WNT7B: variants seen among roughly 807,000 people sequenced by gnomAD.
The protein encoded by WNT7B is Wnt family member 7B, also known as protein Wnt-7b.
In WNT7B, 19 loss-of-function variants were observed where a neutral mutation model predicts 38.2. The observed-to-expected ratio is 0.50, with a 90% confidence interval of 0.35 to 0.73. The LOEUF (loss-of-function observed/expected upper bound fraction) is 0.73. WNT7B is among the 30% of genes least tolerant of loss of function. The probability of loss-of-function intolerance (pLI) is 0.01; values close to 1 mark genes in which losing one functional copy is unlikely to be tolerated. For missense variants in WNT7B, 423 were observed against 507.9 expected (o/e 0.83, Z 1.61); for synonymous variants, 243 against 209.3 (o/e 1.16, Z -1.39).
chr22:45,931,449 G>A lies in WNT7B; in HGVS notation c.299-80C>T, dbSNP rs1363673118. The A allele has an allele frequency of 1.5e-4, 222 of 1,435,508 alleles. 1 individual carries two copies. Among genetic ancestry groups the A allele is most frequent in the Middle Eastern group, 2.6e-4 (1 of 3,904 alleles). 88.9% of individuals were successfully genotyped at this position (1,435,508 alleles called of 1,614,324 possible). A position where few individuals can be genotyped will look rare whatever the true frequency, so the allele number is the denominator to read the frequency against. On this transcript the variant is annotated intron_variant, in intron 2 of 3. Transcript: ENST00000339464. ...CTCAGGGGACAGGGTGCCGGGCCTC[G>A]ATCCACCTGCTGTTGGCTGGTTGTG...
At chr22:45,964,448 G>A (rs1192472387) in intron 1 of WNT7B, among the ~76,000 whole-genome samples, 3 of 152,176 alleles carry the variant, frequency 2.0e-5, no homozygotes, top group Non-Finnish European at 4.4e-5. Context: ...GGAGTCATGG[G>A]GCACACAGGA....
chr22:45,946,676 AGGCGAGCAGAGCAACT>A (rs141849185), intron 2 of WNT7B, among the ~76,000 whole-genome samples: 4,884 of 152,236 alleles, frequency 0.032, 263 homozygotes, highest in African/African-American at 0.11. Context: ...TGACCCTCTG[AGGCGAGCAGAGCAACT>A]GGAACCCAGG....
At chr22:45,928,665 G>A (rs909637720) in intron 3 of WNT7B, among the ~76,000 whole-genome samples, 1 of 115,810 alleles carries the variant, frequency 8.6e-6, no homozygotes, top group African/African-American at 3.3e-5. Context: ...TCCATCACTT[G>A]TGAGTCACCA....
At chr22:45,941,936 A>C (rs1233214292) in intron 2 of WNT7B, among the ~76,000 whole-genome samples, 1 of 147,754 alleles carries the variant, frequency 6.8e-6, no homozygotes, top group Non-Finnish European at 1.5e-5. Context: ...GCTGGGGCTG[A>C]GGTAGGGTAG....
chr22:45,947,265 C>T (rs1460719609), intron 2 of WNT7B, among the ~76,000 whole-genome samples: 1 of 152,224 alleles, frequency 6.6e-6, no homozygotes, highest in Non-Finnish European at 1.5e-5. Flanking sequence ...TCACTTTATC[C>T]TGAGGCCATA....
chr22:45,953,909 T>C (rs528900410), intron 1 of WNT7B, among the ~76,000 whole-genome samples: 1 of 152,276 alleles, frequency 6.6e-6, no homozygotes, highest in Admixed American at 6.5e-5. Flanking sequence ...CCCCTTGGCA[T>C]AGATTCAAAT....
At chr22:45,935,624 A>T (rs1488338652) in intron 2 of WNT7B, among the ~76,000 whole-genome samples, 1 of 152,168 alleles carries the variant, frequency 6.6e-6, no homozygotes, top group Admixed American at 6.5e-5. Flanking sequence ...CTCAGGCTGC[A>T]GGCAGGATCC....
At chr22:45,929,808 C>G (rs1199596982) in intron 3 of WNT7B, among the ~76,000 whole-genome samples, 1 of 151,128 alleles carries the variant, frequency 6.6e-6, no homozygotes, top group Admixed American at 6.6e-5. Flanking sequence ...AACCATCTAC[C>G]CATCCATCTA....
chr22:45,963,486 C>T (rs141763774), intron 1 of WNT7B, among the ~76,000 whole-genome samples: 53 of 152,250 alleles, frequency 3.5e-4, no homozygotes, highest in Non-Finnish European at 6.3e-4. Context: ...TCCTGAGTGC[C>T]GTCCCTGCCT....
At chr22:45,974,516 G>C (rs1339413525) in intron 1 of WNT7B, among the ~76,000 whole-genome samples, 1 of 152,210 alleles carries the variant, frequency 6.6e-6, no homozygotes, top group African/African-American at 2.4e-5. Flanking sequence ...TCCCAGGGTA[G>C]ATCTCTGGCT....
chr22:45,944,123 G>A (rs995091134), intron 2 of WNT7B, among the ~76,000 whole-genome samples: 29 of 152,160 alleles, frequency 1.9e-4, no homozygotes, highest in African/African-American at 5.8e-4. Context: ...AGTGGGACCC[G>A]GGCAGATAGG....
intron 2 of WNT7B, among the ~76,000 whole-genome samples, chr22:45,939,349 C>A (rs1931587095): frequency 6.6e-6 from 1 of 152,222 alleles, no homozygotes; most frequent in African/African-American, 2.4e-5. Context: ...GTATTCATAG[C>A]ATCCTTATTT....
At chr22:45,953,901 C>T (rs939528301) in intron 1 of WNT7B, among the ~76,000 whole-genome samples, 1 of 152,138 alleles carries the variant, frequency 6.6e-6, no homozygotes, top group Non-Finnish European at 1.5e-5. Flanking sequence ...GGATTCCACC[C>T]CTTGGCATAG....
chr22:45,930,963 C>T, intron 3 of WNT7B, 135 bp downstream of exon 3: 1 of 1,261,640 alleles, frequency 7.9e-7, no homozygotes, highest in Non-Finnish European at 1.1e-6. Context: ...CGTGGAGGAC[C>T]CAGACGGCCC....
chr22:45,955,804 A>G (rs1410854262), intron 1 of WNT7B, among the ~76,000 whole-genome samples: 1 of 152,160 alleles, frequency 6.6e-6, no homozygotes, highest in Non-Finnish European at 1.5e-5. Context: ...CCTGCAGACA[A>G]GAAGCCTCCT....
At position 45,977,087 on chromosome 22, in the gene WNT7B, G is replaced by A; in HGVS notation, c.-333C>T. On this transcript the variant is annotated 5_prime_UTR_variant, in exon 1 of 4. Transcript: ENST00000339464. The stretch of plus-strand genomic sequence containing the variant: ...GGTGCAGCCTGCACTAGGCGCAGCC[G>A]CCTGAGGCCGTGAGCGCCTCGCCGA... The A allele has an allele frequency of 1.1e-6, 1 of 917,616 alleles. No homozygotes were observed. The highest frequency in any genetic ancestry group is 1.3e-6 in the Non-Finnish European group (1 of 768,320). 56.8% of individuals were successfully genotyped at this position (917,616 alleles called of 1,614,324 possible). A position where few individuals can be genotyped will look rare whatever the true frequency, so the allele number is the denominator to read the frequency against.
intron 1 of WNT7B, among the ~76,000 whole-genome samples, chr22:45,959,510 TG>T (rs1345924364): frequency 6.6e-6 from 1 of 152,160 alleles, no homozygotes; most frequent in Non-Finnish European, 1.5e-5. Context: ...AGAAGTCGGC[TG>T]TGCTATGACA....
intron 1 of WNT7B, chr22:45,972,526 G>C (rs982264629): frequency 1.2e-5 from 2 of 168,402 alleles, no homozygotes; most frequent in Non-Finnish European, 2.5e-5. Context: ...TCCGTCTGTC[G>C]GTGCGAACCG....
At chr22:45,946,025 C>CCCCAGG (rs1325529224) in intron 2 of WNT7B, among the ~76,000 whole-genome samples, 2 of 151,976 alleles carry the variant, frequency 1.3e-5, no homozygotes, top group African/African-American at 2.4e-5. Context: ...GCAGTCGCTG[C>CCCCAGG]CCCAGGCCCA....
Sources: allele counts gnomAD v4.1 joint callset (sites outside exome capture counted in the v4.1 genomes callset), GRCh38; gene constraint gnomAD v4.1.1; transcripts MANE v1.5; gene names NCBI Gene and HGNC (gene_info 2026-07-23, HGNC 2026-07-21).